The following DNAJB1 variants were observed in gnomAD, a reference collection of about 807,000 sequenced individuals.
DNAJB1 encodes DnaJ heat shock protein family (Hsp40) member B1.
DNAJB1 carries 14 observed loss-of-function variants against 24.0 expected under a neutral mutation model. The ratio of observed to expected loss-of-function variants is 0.58; its 90% CI spans 0.39 to 0.91. The LOEUF is 0.91. Among genes scored for constraint, DNAJB1 ranks in the 40% least tolerant of loss-of-function variants. The pLI is 0.00. For missense variants in DNAJB1, 517 were observed against 458.1 expected (o/e 1.13, Z -1.17); for synonymous variants, 262 against 174.4 (o/e 1.50, Z -3.96).
intron 1 of DNAJB1, among the ~76,000 whole-genome samples, chr19:14,543,420 T>TATATATATATATA (rs1491174243): frequency 0.015 from 83 of 5,472 alleles, no homozygotes; most frequent in Non-Finnish European, 0.025. Context: ...TATATATATA[T>TATATATATATATA]TTTTTTTTTT....
intron 1 of DNAJB1, among the ~76,000 whole-genome samples, chr19:14,539,981 G>A (rs1319619380): frequency 1.3e-5 from 2 of 151,646 alleles, no homozygotes; most frequent in Non-Finnish European, 2.9e-5. Context: ...CCGGGTTCAA[G>A]TGATTCTCCT....
At chr19:14,536,893 C>T (rs1219328102) in intron 1 of DNAJB1, among the ~76,000 whole-genome samples, 1 of 150,264 alleles carries the variant, frequency 6.7e-6, no homozygotes, top group Non-Finnish European at 1.5e-5. Flanking sequence ...CTTGCAGCAG[C>T]TAACATTTGA....
At chr19:14,533,862 A>G (rs188696503), upstream of DNAJB1, 23 of 152,322 alleles carry the variant, frequency 1.5e-4, no homozygotes, top group African/African-American at 5.3e-4. Context: ...TCGGTAAGCG[A>G]ACTGCTTATC....
intron 1 of DNAJB1, among the ~76,000 whole-genome samples, chr19:14,543,629 G>A (rs187330227): frequency 0.036 from 5,385 of 148,468 alleles, 161 homozygotes; most frequent in South Asian, 0.051. Flanking sequence ...TAGTAGAGAC[G>A]GGGTTTCACC....
rs1368711011 is a variant in DNAJB1 at position 14,516,093 on chromosome 19, C to T, written c.870G>A (p.Arg290=). Residue 290 remains arginine (R), a synonymous_variant, in exon 3 of 3, where the codon AGG becomes AGA. Coordinates refer to ENST00000254322, the MANE Select transcript of DNAJB1 (RefSeq NM_006145.3). ...CAGGAACTTTTCGCCGCATGCCAGG[C>T]CTGATAACATCTTTGAATACGACGG... ...TIPVVFKDVI[R]PGMRRKVPGE... is the part of the protein sequence containing the mutation. The T allele has an allele frequency of 1.9e-6, 3 of 1,613,932 alleles. No homozygotes were observed. Among genetic ancestry groups the T allele is most frequent in the Non-Finnish European group, 2.5e-6 (3 of 1,179,970 alleles).
chr19:14,517,087 A>G (rs758519588), intron 1 of DNAJB1, 41 bp from the exon 2 acceptor site: 94 of 1,557,992 alleles, frequency 6.0e-5, no homozygotes, highest in Non-Finnish European at 8.0e-5. Flanking sequence ...GCTGAACAGC[A>G]GACTCTCTCT....
chr19:14,544,697 G>A (rs867162054), intron 1 of DNAJB1, among the ~76,000 whole-genome samples: 1 of 149,414 alleles, frequency 6.7e-6, no homozygotes, highest in Non-Finnish European at 1.5e-5. Flanking sequence ...GCAGTGGCAC[G>A]ATCACGGCTC....
chr19:14,557,104 T>G (rs1322408909), intron 1 of DNAJB1, among the ~76,000 whole-genome samples: 1 of 145,210 alleles, frequency 6.9e-6, no homozygotes, highest in African/African-American at 2.5e-5. Flanking sequence ...TCTGCTAGTG[T>G]TGGTCTAATC....
At chr19:14,542,449 C>G (rs1184831456) in intron 1 of DNAJB1, among the ~76,000 whole-genome samples, 2 of 149,232 alleles carry the variant, frequency 1.3e-5, no homozygotes, top group Non-Finnish European at 3.0e-5. Context: ...GCAACCTCCG[C>G]CTCCCGGGTT....
upstream of DNAJB1, chr19:14,529,412 C>G (rs1276979747): frequency 5.1e-6 from 3 of 590,374 alleles, no homozygotes; most frequent in Admixed American, 8.5e-5. Context: ...CTCTTTAGCC[C>G]CTCCTACAGG....
At chr19:14,556,407 T>TAAAAAAAAAAA (rs1452073822) in intron 1 of DNAJB1, among the ~76,000 whole-genome samples, 2 of 56,848 alleles carry the variant, frequency 3.5e-5, no homozygotes, top group African/African-American at 1.0e-4. Context: ...CGAGACTCTC[T>TAAAAAAAAAAA]CAAAAAAAAA....
In DNAJB1 at chr19:14,515,664, A is replaced by G; in HGVS notation, c.*276T>C. On this transcript the variant is annotated 3_prime_UTR_variant, in exon 3 of 3. Transcript: ENST00000254322. ...ACCCCTGGCCAGGGACTGGAGGTGG[A>G]TGTGGGCCCATCCCGGGAGGGCTGC... 2.4e-6 allele frequency: 1 copy of G among 417,860 alleles called. No individual in the cohort carries two copies. Among genetic ancestry groups the G allele is most frequent in the Non-Finnish European group, 4.3e-6 (1 of 233,368 alleles). 25.9% of individuals were successfully genotyped at this position (417,860 alleles called of 1,614,324 possible). A position where few individuals can be genotyped will look rare whatever the true frequency, so the allele number is the denominator to read the frequency against.
At chr19:14,537,611 G>C (rs2072948111) in intron 1 of DNAJB1, among the ~76,000 whole-genome samples, 1 of 152,138 alleles carries the variant, frequency 6.6e-6, no homozygotes, top group African/African-American at 2.4e-5. Flanking sequence ...GTTCAGGCTG[G>C]GTCTTAACAC....
chr19:14,532,643 G>A (rs1279548868), upstream of DNAJB1: 2 of 152,076 alleles, frequency 1.3e-5, no homozygotes, highest in African/African-American at 4.8e-5. Context: ...TACCCATAGA[G>A]GCGATAGCTA....
intron 1 of DNAJB1, among the ~76,000 whole-genome samples, chr19:14,535,167 G>T (rs1265113101): frequency 6.6e-6 from 1 of 151,784 alleles, no homozygotes; most frequent in Non-Finnish European, 1.5e-5. Context: ...GAGGTCAGGA[G>T]TTCAAGACTA....
chr19:14,536,637 G>A (rs1277641480), intron 1 of DNAJB1: 1 of 152,116 alleles, frequency 6.6e-6, no homozygotes, highest in Non-Finnish European at 1.5e-5. Flanking sequence ...TTGGCTGATG[G>A]TGTGCATCTT....
chr19:14,518,307 C>T lies in DNAJB1; in HGVS notation c.43G>A (p.Ala15Thr), dbSNP rs761547055. ...GCCCGCTTGATCTCCTCGTCCGACG[C>T]GCCGCGGGCCAGGCCCAACGTCTGG... Reference protein sequence around the residue: ...YYQTLGLARGASDEEIKRAYR... With the variant: ...YYQTLGLARGTSDEEIKRAYR... The change falls in exon 1 of 3, where the codon GCG (alanine) becomes ACG (threonine). Residue 15 changes from alanine to threonine, a missense_variant. Transcript: ENST00000254322. The T allele has an allele frequency of 4.4e-6, 7 of 1,607,164 alleles. 1 individual carries two copies. The highest frequency in any genetic ancestry group is 3.3e-5 in the South Asian group (3 of 90,722).
chr19:14,547,526 A>G (rs763769937), intron 1 of DNAJB1, among the ~76,000 whole-genome samples: 5 of 152,066 alleles, frequency 3.3e-5, no homozygotes, highest in Non-Finnish European at 5.9e-5. Flanking sequence ...ACACCTGGCT[A>G]ATTTTTTGTA....
chr19:14,558,990 T>TGC (rs2073827374), intron 1 of DNAJB1, among the ~76,000 whole-genome samples: 1 of 152,082 alleles, frequency 6.6e-6, no homozygotes, highest in South Asian at 2.1e-4. Flanking sequence ...GGCGTGTGTG[T>TGC]GTGTGGCAGG....
Sources: allele counts gnomAD v4.1 joint callset (sites outside exome capture counted in the v4.1 genomes callset), GRCh38; gene constraint gnomAD v4.1.1; transcripts MANE v1.5; gene names NCBI Gene and HGNC (gene_info 2026-07-23, HGNC 2026-07-21).